Variants in PIK3C2B observed in about 807,000 individuals in gnomAD.
PIK3C2B encodes phosphatidylinositol 4-phosphate 3-kinase C2 domain-containing subunit beta.
PIK3C2B carries 83 observed loss-of-function variants against 184.3 expected under a neutral mutation model. The observed-to-expected ratio is 0.45, with a 90% CI of 0.38 to 0.54. The LOEUF (loss-of-function observed/expected upper bound fraction) is 0.54. PIK3C2B is among the 20% of genes least tolerant of loss of function. The pLI, the probability that PIK3C2B is intolerant of heterozygous loss-of-function variation, is 0.00. For synonymous variants in PIK3C2B, 779 were observed against 837.6 expected (o/e 0.93, Z 1.21); for missense variants, 1,736 against 2,113.5 (o/e 0.82, Z 3.50).
rs1375812893 is a variant in PIK3C2B at position 204,448,227 on chromosome 1, C to T, written c.2347-649G>A. ...CTCCCCGGTTCAAGTGGTTCTCATG[C>T]CTCAGCTTCCTGAGTACCTGGGATT... is the stretch of plus-strand genomic sequence containing the variant. On this transcript the variant is annotated intron_variant, in intron 14 of 32. Transcript: ENST00000684373. 2.6e-5 allele frequency among the ~76,000 whole-genome samples: 4 copies of T among 152,132 alleles called. No individual in the cohort carries two copies. In the East Asian group the frequency reaches 5.8e-4, roughly 22 times the overall value.
chr1:204,425,531 T>TAC (rs1674698311), intron 32 of PIK3C2B, 82 bp downstream of exon 32: 6 of 1,439,924 alleles, frequency 4.2e-6, no homozygotes. Context: ...AACATCTTAA[T>TAC]ACGTTCTTCA....
In PIK3C2B at chr1:204,459,940, G is replaced by C. The variant is rs1376060583; in HGVS notation, c.1504C>G (p.Gln502Glu). 1.2e-6 allele frequency: 2 copies of C among 1,613,744 alleles called. No homozygotes were observed. Among genetic ancestry groups the C allele is most frequent in the Admixed American group, 3.3e-5 (2 of 59,974 alleles). ...ERPVKQTISR[Q>E]ALSLLFDTYH... ...GTGTCGAACAGAAGACTCAGGGCCTGCCTGGGAGTTGGGGGCAGGGAAAAA... is the reference window on the plus strand; with the variant it reads ...GTGTCGAACAGAAGACTCAGGGCCTCCCTGGGAGTTGGGGGCAGGGAAAAA... Residue 502 changes from glutamine (Q) to glutamate (E), a missense_variant and splice_region_variant, in exon 8 of 33, where the codon CAG becomes GAG. Around this residue, in one of 8 missense-constraint regions of PIK3C2B, gnomAD observed 609 missense variants for 699.2 expected, o/e 0.87. Coordinates refer to ENST00000684373, the MANE Select transcript of PIK3C2B (RefSeq NM_001377334.1).
intron 19 of PIK3C2B, 77 bp from the exon 20 acceptor site, chr1:204,442,710 G>T: frequency 1.0e-6 from 1 of 961,588 alleles, no homozygotes; most frequent in Non-Finnish European, 1.6e-6. Flanking sequence ...CCAGGGGTGG[G>T]TTCTCCGTAG....
At chr1:204,493,524 AACACACACACACACAC>A (rs3038310) in intron 1 of PIK3C2B, among the ~76,000 whole-genome samples, 3 of 143,900 alleles carry the variant, frequency 2.1e-5, no homozygotes, top group Non-Finnish European at 4.5e-5. Context: ...AATGGCAGAA[AACACACACACACACAC>A]ACACACACAC....
rs200057563 is a variant in PIK3C2B at position 204,430,642 on chromosome 1, CA to C, written c.4281-605del. On this transcript the variant is annotated intron_variant, in intron 28 of 32. Coordinates refer to ENST00000684373, the MANE Select transcript of PIK3C2B (RefSeq NM_001377334.1). Reference sequence around the variant, plus strand: ...ACAGGCATGAGCCACCGCACCCGGCCAAAAAATTCATTTAAAAAGTTGTTTG... The same window carrying C: ...ACAGGCATGAGCCACCGCACCCGGCCAAAAATTCATTTAAAAAGTTGTTTG... Among the ~76,000 whole-genome samples, 101 of 151,060 alleles carry C rather than the reference CA, an allele frequency of 6.7e-4. 1 individual carries two copies. The East Asian group carries it at 0.015, about 23-fold the overall frequency.
intron 11 of PIK3C2B, 135 bp from the exon 12 acceptor site, chr1:204,454,926 C>T (rs911980849): frequency 7.2e-5 from 68 of 945,484 alleles, no homozygotes; most frequent in Admixed American, 1.7e-4. Flanking sequence ...ACAGGATCTC[C>T]GGATAGGACA....
rs377334259 is a variant in PIK3C2B at position 204,444,122 on chromosome 1, C to T, written c.2813G>A (p.Arg938His). 1.3e-5 allele frequency: 21 copies of T among 1,613,652 alleles called. No homozygotes were observed. The highest frequency in any genetic ancestry group is 8.9e-5 in the East Asian group (4 of 44,888). ...YECYLDSPLV[R>H]FLLKRAVSDL... Reference sequence around the variant, plus strand: ...AGACACAGCTCGTTTCAGGAGGAAGCGCACCAACGGGCTGTCCAGGTAGCA... The same window carrying T: ...AGACACAGCTCGTTTCAGGAGGAAGTGCACCAACGGGCTGTCCAGGTAGCA... The change falls in exon 18 of 33, where the codon CGC (arginine) becomes CAC (histidine). Residue 938 changes from arginine (R) to histidine (H), a missense_variant. Arg to His is a conservative substitution (Grantham distance 29, BLOSUM62 0). Transcript: ENST00000684373.
chr1:204,467,011 C>A, intron 2 of PIK3C2B: 2 of 486,354 alleles, frequency 4.1e-6, no homozygotes, highest in South Asian at 1.5e-5. Flanking sequence ...CTGCAACAAG[C>A]TGAGCCGGGG....
At chr1:204,475,289 G>T (rs1297369899) in intron 1 of PIK3C2B, among the ~76,000 whole-genome samples, 1 of 152,024 alleles carries the variant, frequency 6.6e-6, no homozygotes, top group Non-Finnish European at 1.5e-5. Context: ...TCCGTGACTT[G>T]GTTCAAATTG....
chr1:204,453,392 G>A (rs1461808534), intron 12 of PIK3C2B, among the ~76,000 whole-genome samples: 2 of 152,166 alleles, frequency 1.3e-5, no homozygotes, highest in African/African-American at 4.8e-5. Flanking sequence ...GTTTACATGT[G>A]GTGATTAATA....
At chr1:204,458,430 T>C (rs981062351) in intron 8 of PIK3C2B, among the ~76,000 whole-genome samples, 2 of 152,076 alleles carry the variant, frequency 1.3e-5, no homozygotes, top group Non-Finnish European at 2.9e-5. Flanking sequence ...TTCTGTCTAC[T>C]AATAGCTTTG....
In PIK3C2B at chr1:204,455,043, T is replaced by G. The variant is rs375503370; in HGVS notation, c.1944-252A>C. On this transcript the variant is annotated intron_variant, in intron 11 of 32. Transcript: ENST00000684373. ...AGCCTTGTTGTTTTTCTTCCTTTAA[T>G]GGGAACTGGCCACCCAGCCTCTTTA... 2.0e-5 allele frequency among the ~76,000 whole-genome samples: 3 copies of G among 152,248 alleles called. No homozygotes were observed. The South Asian group carries it at 6.2e-4, about 31-fold the overall frequency.
chr1:204,494,568 G>A lies in PIK3C2B; in HGVS notation c.-297C>T, dbSNP rs1387751657. On this transcript the variant is annotated 5_prime_UTR_variant, in exon 1 of 33. Coordinates refer to ENST00000684373, the MANE Select transcript of PIK3C2B (RefSeq NM_001377334.1). ...CTAGGCTCCAAGGGGCAGAGGGAGA[G>A]GCAGCAAAGGGCGCAAGGACCAGCT... 1 of 152,322 alleles carries A rather than the reference G, an allele frequency of 6.6e-6. No homozygotes were observed. Among genetic ancestry groups the A allele is most frequent in the Non-Finnish European group, 1.5e-5 (1 of 68,252 alleles). The allele number at this position is 152,322 out of a possible 1,614,324, so 9.4% of individuals were successfully genotyped here. A position where few individuals can be genotyped will look rare whatever the true frequency, so the allele number is the denominator to read the frequency against.
Position 204,464,126 on chromosome 1 carries a change from G to A in PIK3C2B, c.1196C>T (p.Ser399Phe). ...EALTFTCNCS[S>F]TVDLLIYQTL... ...CTGGTAGATAAGCAAGTCTACAGTGGAGGAACCTGTGAAGGGTAAGGTAGG... is the reference window on the plus strand; with the variant it reads ...CTGGTAGATAAGCAAGTCTACAGTGAAGGAACCTGTGAAGGGTAAGGTAGG... Residue 399 changes from serine to phenylalanine, a missense_variant, in exon 5 of 33, where the codon TCC (serine) becomes TTC (phenylalanine). By Grantham distance (155) the Ser-to-Phe change is radical. Transcript: ENST00000684373. 3 of 1,613,978 alleles carry A rather than the reference G, an allele frequency of 1.9e-6. No homozygotes were observed. Among genetic ancestry groups the A allele is most frequent in the Non-Finnish European group, 2.5e-6 (3 of 1,179,920 alleles).
Position 204,450,055 on chromosome 1 carries a change from C to T in PIK3C2B, c.2067-38G>A, listed in dbSNP as rs754660808. The T allele has an allele frequency of 3.4e-4, 510 of 1,496,402 alleles. 1 individual carries two copies. Among genetic ancestry groups the T allele is most frequent in the Middle Eastern group, 1.4e-3 (8 of 5,736 alleles). The allele number at this position is 1,496,402 out of a possible 1,614,324, so 92.7% of individuals were successfully genotyped here. A position where few individuals can be genotyped will look rare whatever the true frequency, so the allele number is the denominator to read the frequency against. ...GGAAGTCAAATTAGGAGGGGCCACT[C>T]CTGTGGCTTCAAGCAACAGGTGGCC... On this transcript the variant is annotated intron_variant, in intron 12 of 32. Transcript: ENST00000684373.
rs942713826 is a variant in PIK3C2B, at chr1:204,433,664, G to A, written c.3843+129C>T. Reference sequence around the variant, plus strand: ...GTCTGGGTCCCTGCCTTTATCTAGGGCAGGCAGGTATTCAGTTGGGGCTCA... The same window carrying A: ...GTCTGGGTCCCTGCCTTTATCTAGGACAGGCAGGTATTCAGTTGGGGCTCA... On this transcript the variant is annotated intron_variant, in intron 25 of 32. Transcript: ENST00000684373. This position sits in a 1 kb window ranked among gnomAD's most constrained non-coding sequence, Gnocchi z 5.0. The A allele has an allele frequency of 3.4e-5, 31 of 916,736 alleles. No individual in the cohort carries two copies. The highest frequency in any genetic ancestry group is 2.4e-4 in the Middle Eastern group (1 of 4,206). 56.8% of individuals were successfully genotyped at this position (916,736 alleles called of 1,614,324 possible).
At chr1:204,454,603 G>A (rs766902347) in intron 12 of PIK3C2B, 66 bp downstream of exon 12, 3 of 1,566,918 alleles carry the variant, frequency 1.9e-6, no homozygotes, top group Non-Finnish European at 2.6e-6. Flanking sequence ...TCTGGCCCCA[G>A]GGATATTTCA....
intron 32 of PIK3C2B, 56 bp downstream of exon 32, chr1:204,425,557 G>C: frequency 6.3e-7 from 1 of 1,583,188 alleles, no homozygotes; most frequent in East Asian, 2.2e-5. Context: ...ACTTTATCTA[G>C]GAGAACAGGC....
chr1:204,481,268 C>CT (rs59090154), intron 1 of PIK3C2B, among the ~76,000 whole-genome samples: 111,290 of 118,734 alleles, frequency 0.94, 52,684 homozygotes, highest in South Asian at 0.98. Flanking sequence ...AGGTCACATT[C>CT]TTTTTTTTTT....
Sources: allele counts gnomAD v4.1 joint callset (sites outside exome capture counted in the v4.1 genomes callset), GRCh38; gene constraint gnomAD v4.1.1; regional missense constraint gnomAD v4.1.1; non-coding constraint Gnocchi (gnomAD v3.1); transcripts MANE v1.5; gene names NCBI Gene and HGNC (gene_info 2026-07-23, HGNC 2026-07-21).